The following ST7 variants were observed in gnomAD, a reference collection of about 807,000 sequenced individuals.
ST7 encodes the protein suppression of tumorigenicity 7.
ST7 carries 28 observed loss-of-function variants against 78.7 expected under a neutral mutation model. The ratio of observed to expected loss-of-function variants is 0.36; its 90% CI spans 0.26 to 0.49. ST7 has a LOEUF of 0.49. Among genes scored for constraint, ST7 ranks in the 20% least tolerant of loss-of-function variants. The pLI is 0.99. For missense variants in ST7, 418 were observed against 696.0 expected (o/e 0.60, Z 4.49); for synonymous variants, 247 against 249.6 (o/e 0.99, Z 0.10).
chr7:117,129,846 C>A lies in ST7; in HGVS notation c.448C>A (p.Arg150=). 3 of 1,608,564 alleles carry A rather than the reference C, an allele frequency of 1.9e-6. No individual in the cohort carries two copies. The highest frequency in any genetic ancestry group is 2.5e-6 in the Non-Finnish European group (3 of 1,177,314). The change falls in exon 4 of 16, where the codon CGG becomes AGG. Residue 150 remains arginine (R), a splice_region_variant and synonymous_variant. Transcript: ENST00000323984. ...TTTATTTAGGGGTGCTGAATACAAT[C>A]GGTAAGCATTTTGACAGCTTGGGAA... is the stretch of plus-strand genomic sequence containing the variant. ...LNLFRGAEYN[R]YTWVTGREPL...
chr7:117,149,881 G>C (rs1163897038), intron 9 of ST7, among the ~76,000 whole-genome samples: 1 of 151,982 alleles, frequency 6.6e-6, no homozygotes, highest in Non-Finnish European at 1.5e-5. Context: ...TGGTTGCCCG[G>C]GCAACTGGCT....
At chr7:116,958,681 A>G (rs6466595) in intron 1 of ST7, 407,698 of 471,050 alleles carry the variant, frequency 0.87, 181,871 homozygotes, top group South Asian at 0.94. Context: ...GGCCACTGCA[A>G]TAAAGTGAGT....
chr7:117,131,350 A>G (rs991001684), intron 5 of ST7, among the ~76,000 whole-genome samples: 6 of 151,980 alleles, frequency 3.9e-5, no homozygotes, highest in Admixed American at 3.9e-4. Flanking sequence ...TATGTTCAGA[A>G]ACTGCTCTGA....
Position 116,953,603 on chromosome 7 carries a change from G to T in ST7, c.63G>T (p.Thr21=). 1 of 1,506,490 alleles carries T rather than the reference G, an allele frequency of 6.6e-7. No individual in the cohort carries two copies. Among genetic ancestry groups the T allele is most frequent in the Non-Finnish European group, 9.0e-7 (1 of 1,115,162 alleles). The allele number at this position is 1,506,490 out of a possible 1,614,324, so 93.3% of individuals were successfully genotyped here. ...AGTCCTGCATAGTTTGGTCTTGGAC[G>T]TATCTGTGGACCGTGTGGTTCTTCA... is the stretch of plus-strand genomic sequence containing the variant. The part of the protein sequence containing the change: ...QLKSCIVWSW[T]YLWTVWFFIV... Residue 21 remains threonine, a synonymous_variant, in exon 1 of 16, where the codon ACG becomes ACT. Coordinates refer to ENST00000323984, the MANE Select transcript of ST7 (RefSeq NM_001369598.1).
At chr7:117,048,731 T>G (rs1266650954) in intron 1 of ST7, among the ~76,000 whole-genome samples, 2 of 152,224 alleles carry the variant, frequency 1.3e-5, no homozygotes, top group Non-Finnish European at 2.9e-5. Flanking sequence ...TTGTTTCAGG[T>G]TTGGTGGCTT....
At chr7:117,053,566 A>G (rs1457711347) in intron 1 of ST7, among the ~76,000 whole-genome samples, 1 of 152,156 alleles carries the variant, frequency 6.6e-6, no homozygotes, top group Non-Finnish European at 1.5e-5. Flanking sequence ...GAGCTGCTTT[A>G]TCCTCATCCC....
At chr7:117,134,247 G>T in intron 7 of ST7, 55 bp downstream of exon 7, 1 of 1,607,424 alleles carries the variant, frequency 6.2e-7, no homozygotes, top group Non-Finnish European at 8.5e-7. Context: ...ACTTCTAGTG[G>T]ATATCTGGAT....
chr7:116,979,873 T>A (rs1293017401), intron 1 of ST7, among the ~76,000 whole-genome samples: 1 of 152,050 alleles, frequency 6.6e-6, no homozygotes, highest in Non-Finnish European at 1.5e-5. Flanking sequence ...TCATACACCA[T>A]GCTCCATTCA....
At chr7:117,099,074 A>AAAAAAAAAAG (rs1563080274) in intron 1 of ST7, among the ~76,000 whole-genome samples, 1 of 149,400 alleles carries the variant, frequency 6.7e-6, no homozygotes, top group African/African-American at 2.5e-5. Flanking sequence ...AACAAAAAAA[A>AAAAAAAAAAG]AAGAAGAAGA....
intron 9 of ST7, chr7:117,145,313 C>G (rs1171135866): frequency 2.0e-5 from 3 of 152,140 alleles, no homozygotes; most frequent in Non-Finnish European, 4.4e-5. Context: ...CTAGTTTATT[C>G]CCAGGCATAT....
chr7:117,018,086 A>G (rs1399422438), intron 1 of ST7, among the ~76,000 whole-genome samples: 1 of 152,210 alleles, frequency 6.6e-6, no homozygotes, highest in Non-Finnish European at 1.5e-5. Context: ...GTATGAGCCA[A>G]CAAAAGGAGC....
chr7:117,039,749 C>T (rs891227278), intron 1 of ST7, among the ~76,000 whole-genome samples: 1 of 152,172 alleles, frequency 6.6e-6, no homozygotes, highest in African/African-American at 2.4e-5. Flanking sequence ...TCCCTCCTCT[C>T]TACACTGCAC....
intron 1 of ST7, among the ~76,000 whole-genome samples, chr7:117,039,580 C>CAAA (rs573637216): frequency 2.5e-5 from 2 of 81,564 alleles, no homozygotes; most frequent in African/African-American, 4.3e-5. Context: ...TCTGTAAAAG[C>CAAA]AAAAAAAAAA....
At chr7:117,195,308 C>T (rs1177071601) in intron 12 of ST7, among the ~76,000 whole-genome samples, 3 of 152,126 alleles carry the variant, frequency 2.0e-5, no homozygotes, top group East Asian at 3.9e-4. Context: ...ATCCGTGTGC[C>T]TTCAGACTCT....
At chr7:116,966,206 A>T in intron 1 of ST7, 3 of 298,704 alleles carry the variant, frequency 1.0e-5, no homozygotes, top group Non-Finnish European at 2.1e-5. Context: ...TGCAGTTATT[A>T]ATTATTTCCG....
chr7:117,095,858 A>G (rs770525240), intron 1 of ST7, among the ~76,000 whole-genome samples: 2 of 151,986 alleles, frequency 1.3e-5, no homozygotes, highest in African/African-American at 4.8e-5. Flanking sequence ...ACCTGAGGTC[A>G]GGAGTTTGAG....
At chr7:117,018,341 C>G (rs924244254) in intron 1 of ST7, among the ~76,000 whole-genome samples, 2 of 152,200 alleles carry the variant, frequency 1.3e-5, no homozygotes, top group Admixed American at 6.5e-5. Context: ...TCCTTTCCCA[C>G]TTCCTACAGT....
At chr7:117,173,315 C>T (rs188361677) in intron 10 of ST7, 2 of 152,258 alleles carry the variant, frequency 1.3e-5, no homozygotes, top group East Asian at 1.9e-4. Context: ...GACCTAACAC[C>T]GACTGAATTC....
chr7:117,073,183 A>G (rs1338138097), intron 1 of ST7: 2 of 152,254 alleles, frequency 1.3e-5, no homozygotes, highest in Non-Finnish European at 2.9e-5. Flanking sequence ...CAACTGAATA[A>G]TAACAACTGA....
Sources: allele counts gnomAD v4.1 joint callset (sites outside exome capture counted in the v4.1 genomes callset), GRCh38; gene constraint gnomAD v4.1.1; transcripts MANE v1.5; gene names NCBI Gene and HGNC (gene_info 2026-07-23, HGNC 2026-07-21).